The following AGFG1 variants were observed in gnomAD, a reference collection of about 807,000 sequenced individuals.
The protein encoded by AGFG1 is arf-GAP domain and FG repeat-containing protein 1.
Under a neutral mutation model 60.6 loss-of-function variants are expected in AGFG1, and 10 were observed. The ratio of observed to expected loss-of-function variants is 0.16; its 90% confidence interval spans 0.10 to 0.28. The LOEUF is 0.28. Among genes scored for constraint, AGFG1 ranks in the 10% least tolerant of loss-of-function variants. AGFG1 has a pLI of 1.00. For missense variants in AGFG1, 537 were observed against 676.5 expected (o/e 0.79, Z 2.29); for synonymous variants, 247 against 242.9 (o/e 1.02, Z -0.16).
At chr2:227,483,538 A>C (rs920229249) in intron 1 of AGFG1, among the ~76,000 whole-genome samples, 4 of 152,160 alleles carry the variant, frequency 2.6e-5, no homozygotes, top group Non-Finnish European at 5.9e-5. Flanking sequence ...CCAACACTGC[A>C]GGTTTTGTCT....
intron 1 of AGFG1, among the ~76,000 whole-genome samples, chr2:227,474,832 T>A (rs144958361): frequency 1.8e-4 from 28 of 152,370 alleles, no homozygotes; most frequent in Admixed American, 2.6e-4. Context: ...ACTCCAAGTA[T>A]TAGTTATACG....
chr2:227,534,442 A>G (rs1227262063), intron 7 of AGFG1, among the ~76,000 whole-genome samples: 1 of 152,130 alleles, frequency 6.6e-6, no homozygotes, highest in Non-Finnish European at 1.5e-5. Context: ...ACCATCTCTA[A>G]TTTTTTTGTG....
At chr2:227,505,502 T>G (rs536196418) in intron 2 of AGFG1, among the ~76,000 whole-genome samples, 37 of 152,300 alleles carry the variant, frequency 2.4e-4, no homozygotes, top group African/African-American at 8.7e-4. Context: ...GCTCTTAATT[T>G]TTTTCCCTCC....
In AGFG1 at chr2:227,488,190, G is replaced by A. The variant is rs927795860; in HGVS notation, c.168-3357G>A. Reference sequence around the variant, plus strand: ...CACATTTGGTTATGAGTACATTCTGGTTGTACTTGTTTCATAAGTTCAAAA... The same window carrying A: ...CACATTTGGTTATGAGTACATTCTGATTGTACTTGTTTCATAAGTTCAAAA... On this transcript the variant is annotated intron_variant, in intron 1 of 12. Coordinates refer to ENST00000310078, the MANE Select transcript of AGFG1 (RefSeq NM_004504.5). Among the ~76,000 whole-genome samples, 5 of 152,210 alleles carry A rather than the reference G, an allele frequency of 3.3e-5. No homozygotes were observed. The East Asian group carries it at 5.8e-4, about 18-fold the overall frequency.
chr2:227,539,689 G>T (rs1436328865), intron 10 of AGFG1, among the ~76,000 whole-genome samples: 4 of 130,678 alleles, frequency 3.1e-5, no homozygotes, highest in African/African-American at 1.2e-4. Context: ...AAATTACAGT[G>T]AACTGTGATT....
chr2:227,479,560 G>A lies in AGFG1; in HGVS notation c.167+6972G>A, dbSNP rs749238813. 2.6e-5 allele frequency among the ~76,000 whole-genome samples: 4 copies of A among 152,082 alleles called. No individual in the cohort carries two copies. In the East Asian group the frequency reaches 5.8e-4, roughly 22 times the overall value. ...GGAAAACAGGCAAATCTCCTTATTT[G>A]ATATTTTCCTTCTTTTCTGTGCAGC... On this transcript the variant is annotated intron_variant, in intron 1 of 12. Coordinates refer to ENST00000310078, the MANE Select transcript of AGFG1 (RefSeq NM_004504.5).
At chr2:227,495,857 G>T (rs6414208) in intron 2 of AGFG1, among the ~76,000 whole-genome samples, 2 of 151,852 alleles carry the variant, frequency 1.3e-5, no homozygotes, top group Middle Eastern at 3.4e-3. Flanking sequence ...AATCCCAGCT[G>T]TTTGGGAGGC....
At chr2:227,512,105 T>C (rs771096124) in intron 2 of AGFG1, among the ~76,000 whole-genome samples, 1 of 152,172 alleles carries the variant, frequency 6.6e-6, no homozygotes, top group African/African-American at 2.4e-5. Flanking sequence ...TCATATCGCC[T>C]AAGTCTGATA....
chr2:227,515,218 GC>G (rs1251144436), intron 2 of AGFG1, among the ~76,000 whole-genome samples: 1 of 152,092 alleles, frequency 6.6e-6, no homozygotes, highest in Admixed American at 6.6e-5. Context: ...ATCGTATTCA[GC>G]CCCCTCATTC....
chr2:227,500,702 A>G (rs1199975035), intron 2 of AGFG1, among the ~76,000 whole-genome samples: 1 of 152,240 alleles, frequency 6.6e-6, no homozygotes, highest in Non-Finnish European at 1.5e-5. Flanking sequence ...TCCATCTGAT[A>G]TTTCAAAGTA....
At chr2:227,489,368 A>G (rs896449911) in intron 1 of AGFG1, among the ~76,000 whole-genome samples, 2 of 149,962 alleles carry the variant, frequency 1.3e-5, no homozygotes, top group Non-Finnish European at 3.0e-5. Flanking sequence ...GTAGCTGGCA[A>G]GCGCCACCAC....
chr2:227,479,146 CAT>C (rs1174090073), intron 1 of AGFG1, among the ~76,000 whole-genome samples: 3 of 152,164 alleles, frequency 2.0e-5, no homozygotes, highest in Non-Finnish European at 2.9e-5. Flanking sequence ...GAAGGAGAAA[CAT>C]AGATTTAACC....
At chr2:227,536,727 C>A in intron 9 of AGFG1, 23 bp downstream of exon 9, 1 of 1,610,086 alleles carries the variant, frequency 6.2e-7, no homozygotes, top group South Asian at 1.1e-5. Context: ...GGTATATACA[C>A]TGGTTTTTAC....
At position 227,534,924 on chromosome 2, in the gene AGFG1, T is replaced by C. The variant is rs1279147485; in HGVS notation, c.1104T>C (p.Ser368=). Residue 368 remains serine, a synonymous_variant, in exon 8 of 13, where the codon AGT becomes AGC. Coordinates refer to ENST00000310078, the MANE Select transcript of AGFG1 (RefSeq NM_004504.5). Reference sequence around the variant, plus strand: ...TGGTTTCAGTTCCCAGTCAGTCAAGTGCATCTTCAGACAAGTATGCAGCTC... The same window carrying C: ...TGGTTTCAGTTCCCAGTCAGTCAAGCGCATCTTCAGACAAGTATGCAGCTC... The part of the protein sequence containing the change: ...GSVVSVPSQS[S]ASSDKYAALA... 1.2e-6 allele frequency: 2 copies of C among 1,613,802 alleles called. No individual in the cohort carries two copies. The highest frequency in any genetic ancestry group is 1.7e-5 in the Admixed American group (1 of 59,996).
chr2:227,485,243 CTTTTTTTTT>C (rs71036201), intron 1 of AGFG1, among the ~76,000 whole-genome samples: 1 of 110,572 alleles, frequency 9.0e-6, no homozygotes, highest in African/African-American at 3.5e-5. Context: ...CGAATCGTTT[CTTTTTTTTT>C]TTTTTTTTTT....
chr2:227,512,341 G>C (rs1041835870), intron 2 of AGFG1, among the ~76,000 whole-genome samples: 3 of 152,150 alleles, frequency 2.0e-5, no homozygotes, highest in African/African-American at 7.2e-5. Flanking sequence ...AAGCACATGT[G>C]GATAGTGTTT....
intron 10 of AGFG1, among the ~76,000 whole-genome samples, chr2:227,547,457 C>CA: frequency 6.6e-6 from 1 of 152,030 alleles, no homozygotes; most frequent in African/African-American, 2.4e-5. Flanking sequence ...GTAATCAAAA[C>CA]AAGAAAGACA....
In AGFG1 at chr2:227,533,645, G is replaced by A. The variant is rs111756016; in HGVS notation, c.911G>A (p.Ser304Asn). 1 of 1,613,812 alleles carries A rather than the reference G, an allele frequency of 6.2e-7. No homozygotes were observed. Among genetic ancestry groups the A allele is most frequent in the Non-Finnish European group, 8.5e-7 (1 of 1,179,814 alleles). The stretch of plus-strand genomic sequence containing the variant: ...TTTGGAACCTTCAATACTTCCCAGA[G>A]TCATCAAACAGCATCAGCTGTTAGT... ...ADFGTFNTSQ[S>N]HQTASAVSKV... Residue 304 changes from serine (S) to asparagine (N), a missense_variant, in exon 7 of 13, where the codon AGT becomes AAT. Physicochemically the swap from Ser to Asn is conservative, Grantham distance 46. Around this residue, in one of 4 missense-constraint regions of AGFG1, gnomAD observed 287 missense variants for 343.6 expected, o/e 0.84. Coordinates refer to ENST00000310078, the MANE Select transcript of AGFG1 (RefSeq NM_004504.5).
intron 1 of AGFG1, among the ~76,000 whole-genome samples, chr2:227,489,081 C>T (rs898615478): frequency 6.6e-6 from 1 of 151,902 alleles, no homozygotes; most frequent in African/African-American, 2.4e-5. Flanking sequence ...TCCCAAAGTA[C>T]TGGGATTACA....
Sources: allele counts gnomAD v4.1 joint callset (sites outside exome capture counted in the v4.1 genomes callset), GRCh38; gene constraint gnomAD v4.1.1; regional missense constraint gnomAD v4.1.1; transcripts MANE v1.5; gene names NCBI Gene and HGNC (gene_info 2026-07-23, HGNC 2026-07-21).